Variants in GTF2H1 observed in about 807,000 individuals in gnomAD.
The protein encoded by GTF2H1 is general transcription factor IIH subunit 1.
Under a neutral mutation model 71.2 loss-of-function variants are expected in GTF2H1, and 16 were observed. The ratio of observed to expected loss-of-function variants is 0.22; its 90% CI spans 0.15 to 0.34. The LOEUF (loss-of-function observed/expected upper bound fraction) is 0.34, where lower values mean the gene tolerates loss of function less well. GTF2H1 is among the 10% of genes least tolerant of loss of function. The pLI, the probability that GTF2H1 is intolerant of heterozygous loss-of-function variation, is 1.00. For synonymous variants in GTF2H1, 215 were observed against 219.0 expected (o/e 0.98, Z 0.16); for missense variants, 498 against 648.2 (o/e 0.77, Z 2.52).
At chr11:18,337,209 A>T (rs1865048852) in intron 3 of GTF2H1, among the ~76,000 whole-genome samples, 1 of 152,166 alleles carries the variant, frequency 6.6e-6, no homozygotes. Context: ...TGGGTGGATC[A>T]CTTGAAGTCA....
rs541280907 is a variant in GTF2H1 at position 18,322,750 on chromosome 11, G to T, written c.-16+10G>T. 7.5e-6 allele frequency: 1 copy of T among 133,156 alleles called. No homozygotes were observed. The highest frequency in any genetic ancestry group is 9.2e-5 in the Admixed American group (1 of 10,878). 8.2% of individuals were successfully genotyped at this position (133,156 alleles called of 1,614,324 possible). A position where few individuals can be genotyped will look rare whatever the true frequency, so the allele number is the denominator to read the frequency against. ...TTGTAGCTTCCACCTGGTAAGTTTA[G>T]ACCGAAGAATGCAGGCGGGCGGGTG... is the stretch of plus-strand genomic sequence containing the variant. On this transcript the variant is annotated intron_variant, in intron 1 of 14. Coordinates refer to ENST00000265963, the MANE Select transcript of GTF2H1 (RefSeq NM_005316.4).
intron 14 of GTF2H1, among the ~76,000 whole-genome samples, chr11:18,361,689 T>A (rs2133992116): frequency 1.3e-5 from 2 of 152,272 alleles, no homozygotes; most frequent in South Asian, 4.1e-4. Flanking sequence ...ACAATCTATG[T>A]GTATGTTCTG....
At position 18,341,685 on chromosome 11, in the gene GTF2H1, T is replaced by C. The variant is rs1010843126; in HGVS notation, c.837+78T>C. On this transcript the variant is annotated intron_variant, in intron 7 of 14. Coordinates refer to ENST00000265963, the MANE Select transcript of GTF2H1 (RefSeq NM_005316.4). ...AACATTGTCTTAAGCGTAGTAGACC[T>C]ATTCCACTTGTGAGAATGTCAAATA... 8 of 849,754 alleles carry C rather than the reference T, an allele frequency of 9.4e-6. No individual in the cohort carries two copies. The African/African-American group carries it at 1.4e-4, about 15-fold the overall frequency. 52.6% of individuals were successfully genotyped at this position (849,754 alleles called of 1,614,324 possible).
intron 13 of GTF2H1, 79 bp downstream of exon 13, chr11:18,358,719 AGT>A: frequency 2.4e-6 from 2 of 820,944 alleles, no homozygotes; most frequent in Non-Finnish European, 4.2e-6. Context: ...AGTTTTATTG[AGT>A]CTTACCATGT....
intron 7 of GTF2H1, among the ~76,000 whole-genome samples, chr11:18,342,766 T>C (rs1565010591): frequency 6.6e-6 from 1 of 152,228 alleles, no homozygotes; most frequent in African/African-American, 2.4e-5. Flanking sequence ...TGATGGCATA[T>C]TGTACATGTA....
intron 4 of GTF2H1, among the ~76,000 whole-genome samples, chr11:18,338,830 G>A (rs1468227687): frequency 6.6e-6 from 1 of 151,950 alleles, no homozygotes; most frequent in African/African-American, 2.4e-5. Context: ...CTTGGCCTTT[G>A]GACTTGACCC....
intron 9 of GTF2H1, among the ~76,000 whole-genome samples, chr11:18,351,320 C>T (rs1199864797): frequency 1.4e-5 from 2 of 144,140 alleles, no homozygotes; most frequent in African/African-American, 5.1e-5. Context: ...TCTCACTTGT[C>T]GCCCAGGCTG....
intron 11 of GTF2H1, among the ~76,000 whole-genome samples, chr11:18,354,744 T>G (rs923244370): frequency 3.3e-5 from 5 of 152,206 alleles, no homozygotes; most frequent in African/African-American, 1.2e-4. Flanking sequence ...GTTTGTTATT[T>G]ATATCAGCAT....
chr11:18,354,333 T>C (rs928414558), intron 11 of GTF2H1, among the ~76,000 whole-genome samples: 2 of 152,244 alleles, frequency 1.3e-5, no homozygotes, highest in Admixed American at 6.5e-5. Context: ...ACCAAAAAGT[T>C]AACTATTTTT....
intron 7 of GTF2H1, among the ~76,000 whole-genome samples, chr11:18,344,398 C>T (rs1865235630): frequency 6.6e-6 from 1 of 152,014 alleles, no homozygotes; most frequent in South Asian, 2.1e-4. Context: ...GTGGGTGGAT[C>T]ACCTGAGGTC....
intron 11 of GTF2H1, among the ~76,000 whole-genome samples, 179 bp downstream of exon 11, chr11:18,352,625 A>G (rs1237004889): frequency 1.3e-5 from 2 of 152,252 alleles, no homozygotes; most frequent in African/African-American, 4.8e-5. Context: ...TTCAAGAGGC[A>G]TCTGAAGATA....
intron 9 of GTF2H1, among the ~76,000 whole-genome samples, chr11:18,349,019 G>A (rs774019183): frequency 2.1e-4 from 32 of 152,076 alleles, no homozygotes; most frequent in Non-Finnish European, 4.1e-4. Context: ...CTCAGCCTCC[G>A]GAGTAGCTGG....
chr11:18,340,318 T>TGCA (rs1349725198), intron 5 of GTF2H1, among the ~76,000 whole-genome samples: 1 of 151,872 alleles, frequency 6.6e-6, no homozygotes, highest in Non-Finnish European at 1.5e-5. Flanking sequence ...GACAGAGTCT[T>TGCA]GCTCTGTCAA....
chr11:18,342,741 T>C (rs1004573593), intron 7 of GTF2H1, among the ~76,000 whole-genome samples: 4 of 152,158 alleles, frequency 2.6e-5, no homozygotes, highest in African/African-American at 9.7e-5. Context: ...GCTTTTTTTT[T>C]CTTTAAAATA....
chr11:18,342,506 C>T (rs4150609), intron 7 of GTF2H1, among the ~76,000 whole-genome samples: 95,008 of 151,754 alleles, frequency 0.63, 31,135 homozygotes, highest in East Asian at 0.96. Context: ...AGGTGATCTG[C>T]CCACCTTGGC....
intron 14 of GTF2H1, among the ~76,000 whole-genome samples, chr11:18,362,679 T>C: frequency 6.8e-6 from 1 of 146,656 alleles, no homozygotes. Flanking sequence ...TTTTTTTTTT[T>C]TTTTTTTTTG....
chr11:18,327,797 C>T (rs1334057747), intron 1 of GTF2H1, among the ~76,000 whole-genome samples: 2 of 152,178 alleles, frequency 1.3e-5, no homozygotes, highest in South Asian at 2.1e-4. Context: ...CTATGTTGCA[C>T]GGGCTGGTCG....
At chr11:18,353,503 C>T (rs772986966) in intron 11 of GTF2H1, among the ~76,000 whole-genome samples, 8 of 152,328 alleles carry the variant, frequency 5.3e-5, no homozygotes, top group Non-Finnish European at 7.4e-5. Context: ...TCCTGTGCTT[C>T]GGCTTATGCT....
chr11:18,332,885 G>C, intron 1 of GTF2H1, 175 bp from the exon 2 acceptor site: 1 of 480,644 alleles, frequency 2.1e-6, no homozygotes, highest in Non-Finnish European at 3.7e-6. Flanking sequence ...AATTGTAGAG[G>C]AATGATGCCG....
Sources: gnomAD v4.1 joint callset for allele counts (sites outside exome capture counted in the v4.1 genomes callset) on GRCh38, gnomAD v4.1.1 for gene constraint, MANE v1.5 for transcripts, NCBI Gene and HGNC (gene_info 2026-07-23, HGNC 2026-07-21) for gene names.